The following ASTN2 variants were observed in gnomAD, a reference collection of about 807,000 sequenced individuals.
ASTN2 encodes the protein astrotactin 2.
In ASTN2, 54 loss-of-function variants were observed where a neutral mutation model predicts 139.8. The ratio of observed to expected loss-of-function variants is 0.39; its 90% CI spans 0.31 to 0.48. The LOEUF is 0.48. ASTN2 is among the 20% of genes least tolerant of loss of function. The probability of loss-of-function intolerance (pLI) is 0.95; values close to 1 mark genes in which losing one functional copy is unlikely to be tolerated. For synonymous variants in ASTN2, 756 were observed against 719.5 expected (o/e 1.05, Z -0.81); for missense variants, 1,565 against 1,725.1 (o/e 0.91, Z 1.64).
At chr9:116,564,559 T>C (rs1174249656) in intron 19 of ASTN2, among the ~76,000 whole-genome samples, 1 of 152,224 alleles carries the variant, frequency 6.6e-6, no homozygotes, top group Non-Finnish European at 1.5e-5. Flanking sequence ...GCATCAACTT[T>C]GGCTGATCTC....
At chr9:116,559,956 A>G (rs1193213554) in intron 19 of ASTN2, among the ~76,000 whole-genome samples, 1 of 152,114 alleles carries the variant, frequency 6.6e-6, no homozygotes, top group Non-Finnish European at 1.5e-5. Context: ...GCCGCTTTTT[A>G]TTGATAAAGA....
intron 10 of ASTN2, among the ~76,000 whole-genome samples, chr9:116,971,418 G>A (rs7029008): frequency 0.06 from 9,122 of 152,230 alleles, 808 homozygotes; most frequent in African/African-American, 0.2. Context: ...GAAAATATTT[G>A]CTTAATTCCC....
intron 10 of ASTN2, among the ~76,000 whole-genome samples, chr9:116,912,452 CCT>C (rs922206994): frequency 1.4e-4 from 22 of 152,206 alleles, no homozygotes; most frequent in African/African-American, 5.3e-4. Flanking sequence ...GCTCACCCAG[CCT>C]CTCTCTTTCT....
chr9:117,076,309 C>T (rs1040399032), intron 5 of ASTN2, among the ~76,000 whole-genome samples: 1 of 151,832 alleles, frequency 6.6e-6, no homozygotes, highest in Non-Finnish European at 1.5e-5. Flanking sequence ...ACAGAGGGGA[C>T]TGCGTGATTA....
chr9:116,799,633 T>A lies in ASTN2; in HGVS notation c.2396+5999A>T, dbSNP rs572070456. ...AGCTCTTGACTGATGTTTATCTAAA[T>A]CTCTGCAATCTATAACCAAAGTTTA... On this transcript the variant is annotated intron_variant, in intron 13 of 22. Coordinates refer to ENST00000313400, the MANE Select transcript of ASTN2 (RefSeq NM_001365068.1). Among the ~76,000 whole-genome samples the A allele has an allele frequency of 6.7e-5, 10 of 149,140 alleles. No homozygotes were observed. The South Asian group carries it at 1.9e-3, about 29-fold the overall frequency.
chr9:117,402,765 C>A (rs1247093034), intron 1 of ASTN2, among the ~76,000 whole-genome samples: 1 of 151,764 alleles, frequency 6.6e-6, no homozygotes. Context: ...ACAGAGCAAC[C>A]CTACATGGAG....
intron 16 of ASTN2, among the ~76,000 whole-genome samples, chr9:116,674,145 T>C (rs1330416622): frequency 6.6e-6 from 1 of 152,326 alleles, no homozygotes; most frequent in African/African-American, 2.4e-5. Flanking sequence ...AGCTGGAGGT[T>C]ACAAGATGCT....
chr9:116,526,045 G>A (rs564539380), intron 19 of ASTN2, among the ~76,000 whole-genome samples: 2 of 152,088 alleles, frequency 1.3e-5, no homozygotes, highest in South Asian at 4.2e-4. Flanking sequence ...TCTAAGGTCC[G>A]GCTCAAGTGC....
chr9:117,089,513 G>GGT (rs1554777252), intron 5 of ASTN2, among the ~76,000 whole-genome samples: 2 of 151,258 alleles, frequency 1.3e-5, no homozygotes, highest in Admixed American at 6.6e-5. Flanking sequence ...TATTTTTTGT[G>GGT]TTTTTTTCCC....
chr9:117,142,058 C>T (rs187982844), intron 3 of ASTN2, among the ~76,000 whole-genome samples: 71 of 152,226 alleles, frequency 4.7e-4, no homozygotes, highest in East Asian at 3.1e-3. Context: ...TGATCTGAAA[C>T]GAGAAGGAGC....
chr9:116,845,905 A>G (rs1451053506), intron 11 of ASTN2, among the ~76,000 whole-genome samples: 1 of 152,214 alleles, frequency 6.6e-6, no homozygotes, highest in Admixed American at 6.5e-5. Flanking sequence ...TAAAATCCTA[A>G]AGAGATATTT....
rs886850240 is a variant in ASTN2, at chr9:117,348,087, G to C, written c.443-56574C>G. Reference sequence around the variant, plus strand: ...ACACCAAGCTTAAAATCAGAGAGAAGCATAATCCATTTATAAGCATGAAGG... The same window carrying C: ...ACACCAAGCTTAAAATCAGAGAGAACCATAATCCATTTATAAGCATGAAGG... On this transcript the variant is annotated intron_variant, in intron 1 of 22. Coordinates refer to ENST00000313400, the MANE Select transcript of ASTN2 (RefSeq NM_001365068.1). Among the ~76,000 whole-genome samples the C allele has an allele frequency of 3.3e-5, 5 of 152,160 alleles. No individual in the cohort carries two copies. The East Asian group carries it at 9.6e-4, about 29-fold the overall frequency.
At chr9:117,222,445 C>T (rs144953196) in intron 2 of ASTN2, among the ~76,000 whole-genome samples, 9 of 152,042 alleles carry the variant, frequency 5.9e-5, no homozygotes, top group Admixed American at 1.3e-4. Context: ...TGTCAGAGTA[C>T]GTGGAGCCTG....
intron 10 of ASTN2, among the ~76,000 whole-genome samples, chr9:116,956,448 AAT>A (rs200502021): frequency 1.5e-3 from 228 of 147,798 alleles, no homozygotes; most frequent in African/African-American, 5.4e-3. Context: ...TATTATATAT[AAT>A]ATATATGAAA....
intron 10 of ASTN2, among the ~76,000 whole-genome samples, chr9:116,873,617 T>C (rs1185384400): frequency 1.3e-5 from 2 of 152,190 alleles, no homozygotes; most frequent in African/African-American, 2.4e-5. Flanking sequence ...TATGGGATTG[T>C]GCTATTATCC....
intron 13 of ASTN2, among the ~76,000 whole-genome samples, chr9:116,757,386 C>T (rs1829560793): frequency 6.6e-6 from 1 of 152,144 alleles, no homozygotes; most frequent in Non-Finnish European, 1.5e-5. Context: ...TCCTGGCCCA[C>T]TGGGATCACG....
intron 10 of ASTN2, among the ~76,000 whole-genome samples, chr9:116,921,586 T>TAAAAAA (rs11371651): frequency 8.9e-6 from 1 of 112,958 alleles, no homozygotes. Context: ...AGACTCCGTC[T>TAAAAAA]AAAAAAAAAA....
intron 11 of ASTN2, among the ~76,000 whole-genome samples, chr9:116,829,175 A>T (rs1044757707): frequency 6.6e-6 from 1 of 152,072 alleles, no homozygotes; most frequent in Middle Eastern, 3.4e-3. Context: ...ATTCATCTGT[A>T]ACTAGAACAG....
At chr9:117,292,755 A>G (rs939983845) in intron 1 of ASTN2, among the ~76,000 whole-genome samples, 2 of 152,122 alleles carry the variant, frequency 1.3e-5, no homozygotes, top group Non-Finnish European at 1.5e-5. Flanking sequence ...GCTGAGTTAC[A>G]GCAACTTATC....
Sources: gnomAD v4.1 joint callset for allele counts (sites outside exome capture counted in the v4.1 genomes callset) on GRCh38, gnomAD v4.1.1 for gene constraint, MANE v1.5 for transcripts, NCBI Gene and HGNC (gene_info 2026-07-23, HGNC 2026-07-21) for gene names.